The following ZNF292 variants were observed in gnomAD, a reference collection of about 807,000 sequenced individuals.
The protein encoded by ZNF292 is 16 zinc-finger domain protein.
Under a neutral mutation model 217.9 loss-of-function variants are expected in ZNF292, and 26 were observed. The observed-to-expected ratio is 0.12, with a 90% confidence interval of 0.09 to 0.17. The LOEUF (loss-of-function observed/expected upper bound fraction) is 0.17. ZNF292 is among the 10% of genes least tolerant of loss of function. ZNF292 has a pLI of 1.00. For missense variants in ZNF292, 2,904 were observed against 3,175.2 expected (o/e 0.91, Z 2.05); for synonymous variants, 1,257 against 1,124.1 (o/e 1.12, Z -2.37).
intron 1 of ZNF292, among the ~76,000 whole-genome samples, chr6:87,210,732 A>G (rs1271785554): frequency 2.0e-5 from 3 of 152,110 alleles, no homozygotes; most frequent in Non-Finnish European, 4.4e-5. Flanking sequence ...GTGAGCCGAG[A>G]TCATGCCACT....
At chr6:87,180,977 A>G (rs1771453695) in intron 1 of ZNF292, among the ~76,000 whole-genome samples, 1 of 152,100 alleles carries the variant, frequency 6.6e-6, no homozygotes, top group Admixed American at 6.5e-5. Flanking sequence ...CCCTAGGGCG[A>G]GCATGCAGAC....
At chr6:87,235,684 C>A (rs1470746247) in intron 5 of ZNF292, among the ~76,000 whole-genome samples, 1 of 152,158 alleles carries the variant, frequency 6.6e-6, no homozygotes, top group Non-Finnish European at 1.5e-5. Flanking sequence ...CCAGCCTACT[C>A]TGGGAGATGA....
intron 5 of ZNF292, among the ~76,000 whole-genome samples, chr6:87,239,411 TC>T (rs1774096978): frequency 6.7e-6 from 1 of 149,510 alleles, no homozygotes; most frequent in Non-Finnish European, 1.5e-5. Flanking sequence ...CCCACCTCCC[TC>T]CCAGACGGGG....
At chr6:87,171,036 G>A (rs1458641316) in intron 1 of ZNF292, among the ~76,000 whole-genome samples, 4 of 152,150 alleles carry the variant, frequency 2.6e-5, no homozygotes, top group Non-Finnish European at 5.9e-5. Flanking sequence ...TAATTCCACT[G>A]TTTTCAAGTT....
chr6:87,219,165 T>C (rs1444658824), intron 4 of ZNF292, among the ~76,000 whole-genome samples: 1 of 152,222 alleles, frequency 6.6e-6, no homozygotes, highest in African/African-American at 2.4e-5. Context: ...TCAGTCTTAT[T>C]GTATCCCCTG....
Position 87,258,029 on chromosome 6 carries a change from C to G in ZNF292, c.4400C>G (p.Pro1467Arg). ...GAAAATCGCTCGCCAGCATTTTTACCAAATACATTTCCTCGATCTGGTGTG... is the reference window on the plus strand; with the variant it reads ...GAAAATCGCTCGCCAGCATTTTTACGAAATACATTTCCTCGATCTGGTGTG... ...LAENRSPAFL[P>R]NTFPRSGVTN... Residue 1467 changes from proline to arginine, a missense_variant, in exon 8 of 8, where the codon CCA becomes CGA. Physicochemically the swap from Pro to Arg is moderately radical, Grantham distance 103 (BLOSUM62 -2). Around this residue, in one of 15 missense-constraint regions of ZNF292, gnomAD observed 622 missense variants for 573.1 expected, o/e 1.09. Coordinates refer to ENST00000369577, the MANE Select transcript of ZNF292 (RefSeq NM_015021.3). 1 of 1,613,814 alleles carries G rather than the reference C, an allele frequency of 6.2e-7. No individual in the cohort carries two copies. Among genetic ancestry groups the G allele is most frequent in the Non-Finnish European group, 8.5e-7 (1 of 1,179,794 alleles).
intron 1 of ZNF292, among the ~76,000 whole-genome samples, chr6:87,197,533 G>T (rs1184243341): frequency 1.3e-5 from 2 of 150,684 alleles, no homozygotes; most frequent in Non-Finnish European, 2.9e-5. Flanking sequence ...TCGGGAGTTC[G>T]AGACCAGTCT....
At chr6:87,192,119 T>G (rs1771837270) in intron 1 of ZNF292, among the ~76,000 whole-genome samples, 2 of 152,226 alleles carry the variant, frequency 1.3e-5, no homozygotes, top group Non-Finnish European at 2.9e-5. Context: ...TATAATGTCT[T>G]TATAGTGGGA....
intron 1 of ZNF292, among the ~76,000 whole-genome samples, chr6:87,163,120 GTA>G (rs1770807177): frequency 1.3e-5 from 2 of 152,100 alleles, no homozygotes; most frequent in Admixed American, 6.5e-5. Context: ...AAGTCTCTAA[GTA>G]TATATGTTCA....
At chr6:87,205,954 A>T (rs181137527) in intron 1 of ZNF292, among the ~76,000 whole-genome samples, 1 of 152,218 alleles carries the variant, frequency 6.6e-6, no homozygotes, top group Non-Finnish European at 1.5e-5. Flanking sequence ...TGTAAGCATT[A>T]TCGCTCACTC....
At position 87,264,785 on chromosome 6, in the gene ZNF292, G is replaced by A. The variant is rs1435432872; in HGVS notation, c.*2984G>A. ...GTCTTTATTTTGGTTTTTGAAAATT[G>A]TTATTGGATGCATGTATATTGAACA... On this transcript the variant is annotated 3_prime_UTR_variant, in exon 8 of 8. Coordinates refer to ENST00000369577, the MANE Select transcript of ZNF292 (RefSeq NM_015021.3). 1.3e-5 allele frequency among the ~76,000 whole-genome samples: 2 copies of A among 152,150 alleles called. No homozygotes were observed. Among genetic ancestry groups the A allele is most frequent in the Non-Finnish European group, 2.9e-5 (2 of 68,022 alleles).
intron 1 of ZNF292, among the ~76,000 whole-genome samples, chr6:87,193,373 A>T (rs1771870684): frequency 6.6e-6 from 1 of 151,946 alleles, no homozygotes; most frequent in Non-Finnish European, 1.5e-5. Flanking sequence ...GACGAAAAAC[A>T]TTTCTATCAA....
At chr6:87,224,831 G>A (rs1477888516) in intron 4 of ZNF292, among the ~76,000 whole-genome samples, 2 of 152,116 alleles carry the variant, frequency 1.3e-5, no homozygotes, top group East Asian at 1.9e-4. Flanking sequence ...TTATAAACAT[G>A]TGCATGCAGG....
chr6:87,249,431 G>C (rs77254115), intron 7 of ZNF292: 3,754 of 284,422 alleles, frequency 0.013, 133 homozygotes, highest in African/African-American at 0.077. Context: ...CATGACCTTC[G>C]CAGCAGCCTT....
intron 5 of ZNF292, among the ~76,000 whole-genome samples, chr6:87,239,520 G>A (rs1416312123): frequency 7.2e-6 from 1 of 139,008 alleles, no homozygotes; most frequent in Non-Finnish European, 1.6e-5. Context: ...TGGGGCGGCT[G>A]GCCGGGCGGG....
In ZNF292 at chr6:87,252,198, C is replaced by G. The variant is rs1361277243; in HGVS notation, c.1021-2452C>G. On this transcript the variant is annotated intron_variant, in intron 7 of 7. Coordinates refer to ENST00000369577, the MANE Select transcript of ZNF292 (RefSeq NM_015021.3). ...CGTTGTTTTGCTCTCGTTGCCCAGG[C>G]TGGAGTGCAGTGGTGCAGTCTCGGC... Among the ~76,000 whole-genome samples, 3 of 151,854 alleles carry G rather than the reference C, an allele frequency of 2.0e-5. No homozygotes were observed. The East Asian group carries it at 5.8e-4, about 29-fold the overall frequency.
chr6:87,165,157 T>C (rs1365779922), intron 1 of ZNF292, among the ~76,000 whole-genome samples: 2 of 152,218 alleles, frequency 1.3e-5, no homozygotes, highest in Non-Finnish European at 2.9e-5. Flanking sequence ...TATAGTCTAA[T>C]AATGACATCC....
At chr6:87,222,692 T>G in intron 4 of ZNF292, 1 of 401,312 alleles carries the variant, frequency 2.5e-6, no homozygotes, top group South Asian at 1.9e-5. Flanking sequence ...TAAACTAATA[T>G]TTATACTTTG....
At position 87,258,833 on chromosome 6, in the gene ZNF292, C is replaced by T. The variant is rs764982950; in HGVS notation, c.5204C>T (p.Ser1735Leu). ...GATTCCCAAATGATGGCTTTGAATTCATGCACAACTTCAATAAATTCTGAT... is the reference window on the plus strand; with the variant it reads ...GATTCCCAAATGATGGCTTTGAATTTATGCACAACTTCAATAAATTCTGAT... Reference protein sequence around the residue: ...NGDSQMMALNSCTTSINSDLQ... With the variant: ...NGDSQMMALNLCTTSINSDLQ... The change falls in exon 8 of 8, where the codon TCA (serine) becomes TTA (leucine). Residue 1735 changes from serine (S) to leucine (L), a missense_variant. Coordinates refer to ENST00000369577, the MANE Select transcript of ZNF292 (RefSeq NM_015021.3). 38 of 1,612,168 alleles carry T rather than the reference C, an allele frequency of 2.4e-5. No individual in the cohort carries two copies. The South Asian group carries it at 4.1e-4, about 17-fold the overall frequency.
Sources: gnomAD v4.1 joint callset for allele counts (sites outside exome capture counted in the v4.1 genomes callset) on GRCh38, gnomAD v4.1.1 for gene constraint, gnomAD v4.1.1 regional missense constraint, MANE v1.5 for transcripts, NCBI Gene and HGNC (gene_info 2026-07-23, HGNC 2026-07-21) for gene names.